Variants in PGBD5 observed in about 807,000 individuals in gnomAD.
PGBD5 encodes piggyBac transposable element derived 5.
A neutral mutation model predicts 47.9 loss-of-function variants in PGBD5; 14 were observed. The ratio of observed to expected loss-of-function variants is 0.29; its 90% CI spans 0.19 to 0.46. The LOEUF (loss-of-function observed/expected upper bound fraction) is 0.46, where lower values mean the gene tolerates loss of function less well. Ranked by LOEUF, PGBD5 falls within the 20% of genes least tolerant of loss-of-function variation. PGBD5 has a pLI of 1.00. For missense variants in PGBD5, 635 were observed against 716.0 expected (o/e 0.89, Z 1.29); for synonymous variants, 316 against 306.3 (o/e 1.03, Z -0.33).
intron 1 of PGBD5, among the ~76,000 whole-genome samples, chr1:230,371,197 T>C (rs1259558045): frequency 6.6e-6 from 1 of 152,244 alleles, no homozygotes; most frequent in Non-Finnish European, 1.5e-5. Context: ...GCTATTCTAA[T>C]TTTGCCCCAT....
At chr1:230,347,926 T>C (rs1185684291) in intron 3 of PGBD5, among the ~76,000 whole-genome samples, 2 of 152,196 alleles carry the variant, frequency 1.3e-5, no homozygotes, top group African/African-American at 4.8e-5. Context: ...CATTTTCTCA[T>C]GGCCAGGGCA....
chr1:230,394,340 T>C (rs984318097), intron 1 of PGBD5, among the ~76,000 whole-genome samples: 4 of 151,574 alleles, frequency 2.6e-5, no homozygotes, highest in African/African-American at 9.7e-5. Context: ...GGTTTTCGAG[T>C]ATGAGGAGGG....
chr1:230,387,124 AC>A (rs1232404170), intron 1 of PGBD5, among the ~76,000 whole-genome samples: 1 of 152,100 alleles, frequency 6.6e-6, no homozygotes, highest in Non-Finnish European at 1.5e-5. Flanking sequence ...TCTTTAATAA[AC>A]CTTATTGTCT....
chr1:230,406,251 T>C (rs902756282), intron 1 of PGBD5, among the ~76,000 whole-genome samples: 1 of 135,582 alleles, frequency 7.4e-6, no homozygotes, highest in African/African-American at 2.9e-5. Context: ...GAGCTTGCAG[T>C]GAGCCGAGAT....
chr1:230,330,551 G>C (rs1371389525), intron 5 of PGBD5, among the ~76,000 whole-genome samples: 1 of 125,994 alleles, frequency 7.9e-6, no homozygotes, highest in African/African-American at 4.2e-5. Context: ...AGAACTCTAA[G>C]ATGTGAACCC....
In PGBD5 at chr1:230,323,408, G is replaced by C. The variant is rs1667067347; in HGVS notation, c.*17C>G. 5.0e-6 allele frequency: 8 copies of C among 1,608,760 alleles called. No homozygotes were observed. The highest frequency in any genetic ancestry group is 2.7e-5 in the African/African-American group (2 of 74,796). On this transcript the variant is annotated 3_prime_UTR_variant, in exon 7 of 7. Coordinates refer to ENST00000391860, the MANE Select transcript of PGBD5 (RefSeq NM_001258311.2). The surrounding 1 kb of genome is among the most constrained non-coding windows in gnomAD (Gnocchi z 4.1). Reference sequence around the variant, plus strand: ...CTCCTCTTGCCCCTCCCTTGACCGAGTCCTGCGCCCCCAGCATCAGTGGGT... The same window carrying C: ...CTCCTCTTGCCCCTCCCTTGACCGACTCCTGCGCCCCCAGCATCAGTGGGT...
At chr1:230,368,022 C>A (rs1363031954) in intron 1 of PGBD5, 1 of 1,367,892 alleles carries the variant, frequency 7.3e-7, no homozygotes, top group South Asian at 1.1e-5. Context: ...CCACACCACA[C>A]CCCACATAGG....
At chr1:230,380,811 A>G (rs1247870611) in intron 1 of PGBD5, among the ~76,000 whole-genome samples, 2 of 152,232 alleles carry the variant, frequency 1.3e-5, no homozygotes, top group African/African-American at 4.8e-5. Context: ...TCTGTCCACC[A>G]AAAGGCTCAA....
chr1:230,357,515 C>T lies in PGBD5; in HGVS notation c.332-194G>A, dbSNP rs551602055. ...AGTGCCGGCTCCCATAGCTTTTGTA[C>T]GCCCCTTTGCTCCAAAACAGCCAGC... On this transcript the variant is annotated intron_variant, in intron 1 of 6. Coordinates refer to ENST00000391860, the MANE Select transcript of PGBD5 (RefSeq NM_001258311.2). The surrounding 1 kb of genome is among the most constrained non-coding windows in gnomAD (Gnocchi z 5.7). Among the ~76,000 whole-genome samples, 5 of 152,350 alleles carry T rather than the reference C, an allele frequency of 3.3e-5. No individual in the cohort carries two copies. The highest frequency in any genetic ancestry group is 2.1e-4 in the South Asian group (1 of 4,826).
At chr1:230,359,258 T>C (rs1667706475) in intron 1 of PGBD5, among the ~76,000 whole-genome samples, 1 of 152,096 alleles carries the variant, frequency 6.6e-6, no homozygotes, top group South Asian at 2.1e-4. Flanking sequence ...GACGGGGTTT[T>C]GCCTATCTCT....
intron 5 of PGBD5, among the ~76,000 whole-genome samples, chr1:230,332,030 C>CAAAT (rs373397337): frequency 2.7e-5 from 4 of 147,508 alleles, no homozygotes; most frequent in South Asian, 2.3e-4. Context: ...ACACACCACA[C>CAAAT]ACACACCACA....
chr1:230,395,060 C>CAT, intron 1 of PGBD5, among the ~76,000 whole-genome samples: 1 of 97,314 alleles, frequency 1.0e-5, no homozygotes, highest in Admixed American at 9.8e-5. Flanking sequence ...GAGCTCCTCT[C>CAT]TCACTCCCTC....
rs1161977973 is a variant in PGBD5 at position 230,335,610 on chromosome 1, GACAC to G, written c.1075+1494_1075+1497del. Among the ~76,000 whole-genome samples the G allele has an allele frequency of 6.1e-5, 3 of 49,234 alleles. 1 individual carries two copies. Among genetic ancestry groups the G allele is most frequent in the Non-Finnish European group, 1.4e-4 (3 of 21,620 alleles). 32.3% of individuals were successfully genotyped at this position (49,234 alleles called of 152,430 possible). ...ACACACAGATACACATACAGACACAGACACACACACAGGTACACACACAGACACA... is the reference window on the plus strand; with the variant it reads ...ACACACAGATACACATACAGACACAGACACACAGGTACACACACAGACACA... On this transcript the variant is annotated intron_variant, in intron 4 of 6. Coordinates refer to ENST00000391860, the MANE Select transcript of PGBD5 (RefSeq NM_001258311.2).
intron 1 of PGBD5, among the ~76,000 whole-genome samples, chr1:230,375,619 AAAG>A (rs1667998972): frequency 6.6e-6 from 1 of 151,488 alleles, no homozygotes; most frequent in African/African-American, 2.4e-5. Flanking sequence ...TTGACTTTTT[AAAG>A]ACACAAGGTC....
At chr1:230,387,674 C>T (rs1034387772) in intron 1 of PGBD5, among the ~76,000 whole-genome samples, 6 of 152,094 alleles carry the variant, frequency 3.9e-5, no homozygotes, top group Non-Finnish European at 5.9e-5. Context: ...GGTGGTGATT[C>T]GGGTTAAGGA....
chr1:230,399,270 GT>G (rs1558211623), intron 1 of PGBD5, among the ~76,000 whole-genome samples: 1 of 152,150 alleles, frequency 6.6e-6, no homozygotes, highest in African/African-American at 2.4e-5. Context: ...AATTTTACTG[GT>G]GTCCTGTATT....
At chr1:230,324,759 C>T (rs771742181) in intron 6 of PGBD5, among the ~76,000 whole-genome samples, 5 of 152,122 alleles carry the variant, frequency 3.3e-5, no homozygotes, top group Non-Finnish European at 5.9e-5. Context: ...TCTGGACGTC[C>T]GCACATTGTG....
At chr1:230,342,714 C>T (rs1006207036) in intron 3 of PGBD5, among the ~76,000 whole-genome samples, 1 of 152,162 alleles carries the variant, frequency 6.6e-6, no homozygotes, top group Non-Finnish European at 1.5e-5. Flanking sequence ...CTTTCCTTAT[C>T]TGTAAGGATA....
At position 230,356,911 on chromosome 1, in the gene PGBD5, T is replaced by C; in HGVS notation, c.742A>G (p.Arg248Gly). 1 of 1,613,558 alleles carries C rather than the reference T, an allele frequency of 6.2e-7. No homozygotes were observed. The highest frequency in any genetic ancestry group is 1.3e-5 in the African/African-American group (1 of 75,020). Residue 248 changes from arginine (R) to glycine (G), a missense_variant, in exon 2 of 7, where the codon AGG becomes GGG. Physicochemically the swap from Arg to Gly is moderately radical, Grantham distance 125 (BLOSUM62 -2). Transcript: ENST00000391860. Reference protein sequence around the residue: ...SLQNSFDSAFRPSQTQVLHEP... With the variant: ...SLQNSFDSAFGPSQTQVLHEP... ...GGCCTCACCTGGGTTTGGGAAGGCC[T>C]GAAGGCAGAGTCGAAGCTGTTCTGC...
Sources: allele counts gnomAD v4.1 joint callset (sites outside exome capture counted in the v4.1 genomes callset), GRCh38; gene constraint gnomAD v4.1.1; non-coding constraint Gnocchi (gnomAD v3.1); transcripts MANE v1.5; gene names NCBI Gene and HGNC (gene_info 2026-07-23, HGNC 2026-07-21).